The following NCKAP5 variants were observed in gnomAD, a reference collection of about 807,000 sequenced individuals.
NCKAP5 encodes the protein NCK associated protein 5, also known as nck-associated protein 5.
In NCKAP5, 92 loss-of-function variants were observed where a neutral mutation model predicts 167.0. That is an observed-to-expected ratio of 0.55 (90% CI 0.47 to 0.66). The LOEUF is 0.66. NCKAP5 is among the 30% of genes least tolerant of loss of function. NCKAP5 has a pLI of 0.00. For synonymous variants in NCKAP5, 891 were observed against 877.4 expected (o/e 1.02, Z -0.27); for missense variants, 2,378 against 2,315.0 (o/e 1.03, Z -0.56).
At chr2:132,798,509 C>G (rs76778571) in intron 11 of NCKAP5, among the ~76,000 whole-genome samples, 28,478 of 152,138 alleles carry the variant, frequency 0.19, 3,116 homozygotes, top group East Asian at 0.3. Flanking sequence ...GGTATATCAT[C>G]TGATTTGAGA....
intron 5 of NCKAP5, among the ~76,000 whole-genome samples, chr2:133,188,915 G>A (rs529179803): frequency 3.3e-5 from 5 of 152,028 alleles, no homozygotes; most frequent in South Asian, 4.1e-4. Context: ...GCTAGCAGAC[G>A]GCAAGTAATA....
intron 4 of NCKAP5, among the ~76,000 whole-genome samples, chr2:133,214,277 T>C (rs1327308047): frequency 6.6e-6 from 1 of 152,198 alleles, no homozygotes; most frequent in Non-Finnish European, 1.5e-5. Flanking sequence ...TGTTCTCATT[T>C]GAGCCTGACA....
At chr2:133,372,854 C>A (rs1685890739) in intron 3 of NCKAP5, among the ~76,000 whole-genome samples, 1 of 152,164 alleles carries the variant, frequency 6.6e-6, no homozygotes, top group Non-Finnish European at 1.5e-5. Flanking sequence ...TGACTAGTTA[C>A]TATGACAGGC....
At chr2:133,077,743 T>C (rs2080659620) in intron 6 of NCKAP5, among the ~76,000 whole-genome samples, 1 of 152,196 alleles carries the variant, frequency 6.6e-6, no homozygotes, top group African/African-American at 2.4e-5. Flanking sequence ...CTACAAGTTA[T>C]TTCCCTTTAG....
chr2:133,116,134 A>G (rs932186188), intron 6 of NCKAP5, among the ~76,000 whole-genome samples: 1 of 152,110 alleles, frequency 6.6e-6, no homozygotes, highest in Non-Finnish European at 1.5e-5. Flanking sequence ...ACGAAGTTTT[A>G]TAAGTTTTAG....
intron 5 of NCKAP5, among the ~76,000 whole-genome samples, chr2:133,143,389 G>A (rs952356159): frequency 6.6e-6 from 1 of 151,926 alleles, no homozygotes; most frequent in Non-Finnish European, 1.5e-5. Context: ...AATTACAAAC[G>A]GTTCAGTGTA....
intron 3 of NCKAP5, among the ~76,000 whole-genome samples, chr2:133,502,673 C>T (rs998663009): frequency 6.6e-6 from 1 of 152,232 alleles, no homozygotes; most frequent in Non-Finnish European, 1.5e-5. Context: ...TCTGTGCCTT[C>T]CACCCCGGTG....
rs200789901 is a variant in NCKAP5 at position 133,319,459 on chromosome 2, C to CT, written c.70-16350dup. 2.8e-3 allele frequency among the ~76,000 whole-genome samples: 420 copies of CT among 151,094 alleles called. 1 individual carries two copies. Among genetic ancestry groups the CT allele is most frequent in the Non-Finnish European group, 4.2e-3 (284 of 67,682 alleles). On this transcript the variant is annotated intron_variant, in intron 3 of 19. Transcript: ENST00000409261. ...GATGCAGGTGCACCCGGGATGTTAC[C>CT]TTTTTTTTTAAGTATCTCCTCTCAA...
At chr2:133,526,202 AGG>A (rs1558755182) in intron 2 of NCKAP5, among the ~76,000 whole-genome samples, 10 of 135,394 alleles carry the variant, frequency 7.4e-5, no homozygotes, top group African/African-American at 2.1e-4. Flanking sequence ...GAAGGAAGGA[AGG>A]AAGGAAGGAA....
chr2:132,785,414 T>C lies in NCKAP5; in HGVS notation c.1397A>G (p.Lys466Arg). ...GGAATCTAGATCATAAACAAATGTC[T>C]TGTGGGGTTCCTTGCAGGGGCTCCC... ...DLGSPCKEPH[K>R]TFVYDLDSHV... The change falls in exon 14 of 20, where the codon AAG (lysine) becomes AGG (arginine). Residue 466 changes from lysine (K) to arginine (R), a missense_variant. Lys to Arg is a conservative substitution (Grantham distance 26). Coordinates refer to ENST00000409261, the MANE Select transcript of NCKAP5 (RefSeq NM_207363.3). 6.2e-7 allele frequency: 1 copy of C among 1,613,732 alleles called. No homozygotes were observed. The highest frequency in any genetic ancestry group is 8.5e-7 in the Non-Finnish European group (1 of 1,179,696).
the NCKAP5 span, among the ~76,000 whole-genome samples, chr2:133,667,435 T>C: frequency 6.6e-6 from 1 of 151,968 alleles, no homozygotes; most frequent in African/African-American, 2.4e-5. Flanking sequence ...TTGGTTTGGG[T>C]CCTCCTCAGT....
chr2:133,338,058 A>T (rs1157140695), intron 3 of NCKAP5, among the ~76,000 whole-genome samples: 1 of 152,246 alleles, frequency 6.6e-6, no homozygotes, highest in Non-Finnish European at 1.5e-5. Flanking sequence ...AGCAAATAAT[A>T]GATTCTTGGA....
chr2:132,947,366 A>C (rs2149126234), intron 8 of NCKAP5, among the ~76,000 whole-genome samples: 2 of 152,328 alleles, frequency 1.3e-5, no homozygotes, highest in East Asian at 3.9e-4. Flanking sequence ...TGATAGAGTA[A>C]ATGGAAACTA....
At chr2:133,470,860 C>T (rs999894307) in intron 3 of NCKAP5, among the ~76,000 whole-genome samples, 1 of 152,262 alleles carries the variant, frequency 6.6e-6, no homozygotes, top group African/African-American at 2.4e-5. Flanking sequence ...ATGCCTCACC[C>T]TGCTTTGGCT....
intron 13 of NCKAP5, among the ~76,000 whole-genome samples, chr2:132,785,941 G>T (rs1683529488): frequency 6.6e-6 from 1 of 152,238 alleles, no homozygotes; most frequent in African/African-American, 2.4e-5. Flanking sequence ...GAAACAGAAG[G>T]TAAAGGCCCT....
intron 3 of NCKAP5, among the ~76,000 whole-genome samples, chr2:133,479,681 C>A (rs938735427): frequency 6.6e-6 from 1 of 152,028 alleles, no homozygotes; most frequent in Admixed American, 6.6e-5. Context: ...TAGTGGAGAC[C>A]AAATTTAGTG....
chr2:133,581,605 CT>C, the NCKAP5 span, among the ~76,000 whole-genome samples: 1 of 152,182 alleles, frequency 6.6e-6, no homozygotes, highest in Non-Finnish European at 1.5e-5. Context: ...ACCCATTTCC[CT>C]GGAATGGGGC....
intron 3 of NCKAP5, among the ~76,000 whole-genome samples, chr2:133,360,939 T>TA (rs1261568490): frequency 0.022 from 3,050 of 137,292 alleles, 45 homozygotes; most frequent in African/African-American, 0.05. Context: ...GTCTTCCCAT[T>TA]AAAAAAAAAA....
intron 8 of NCKAP5, among the ~76,000 whole-genome samples, chr2:132,924,906 A>ATT (rs58999313): frequency 2.0e-5 from 3 of 150,376 alleles, no homozygotes; most frequent in East Asian, 3.9e-4. Context: ...ATTGGGATAG[A>ATT]TTTTTTTTTT....
Sources: gnomAD v4.1 joint callset for allele counts (sites outside exome capture counted in the v4.1 genomes callset) on GRCh38, gnomAD v4.1.1 for gene constraint, MANE v1.5 for transcripts, NCBI Gene and HGNC (gene_info 2026-07-23, HGNC 2026-07-21) for gene names.